Variants in ZNF98 observed in about 807,000 individuals in gnomAD.
ZNF98 encodes the protein zinc finger protein 98, also known as zinc finger protein 739.
In ZNF98, 8 loss-of-function variants were observed where a neutral mutation model predicts 12.8. The ratio of observed to expected loss-of-function variants is 0.63; its 90% CI spans 0.37 to 1.13. The LOEUF is 1.13. Ranked by LOEUF, ZNF98 falls within the 50% of genes most tolerant of loss-of-function variation. ZNF98 has a pLI of 0.01. For synonymous variants in ZNF98, 112 were observed against 223.5 expected (o/e 0.50, Z 4.45); for missense variants, 379 against 666.1 (o/e 0.57, Z 4.74).
At chr19:22,406,931 T>C (rs1687315100) in intron 1 of ZNF98, among the ~76,000 whole-genome samples, 1 of 152,058 alleles carries the variant, frequency 6.6e-6, no homozygotes, top group Non-Finnish European at 1.5e-5. Context: ...GAGAATAAGA[T>C]AGACAAATTG....
intron 2 of ZNF98, 44 bp downstream of exon 2, chr19:22,403,342 T>C: frequency 1.3e-6 from 2 of 1,514,308 alleles, no homozygotes; most frequent in East Asian, 4.9e-5. Context: ...AGAAATAAAA[T>C]TTATAGGGTA....
intron 3 of ZNF98, among the ~76,000 whole-genome samples, chr19:22,401,208 G>C (rs1310390307): frequency 5.3e-5 from 8 of 150,576 alleles, no homozygotes; most frequent in African/African-American, 2.0e-4. Flanking sequence ...ACCATAAACA[G>C]TACATTTAAA....
chr19:22,399,134 A>T (rs1969430065), intron 3 of ZNF98, among the ~76,000 whole-genome samples: 1 of 152,232 alleles, frequency 6.6e-6, no homozygotes, highest in Non-Finnish European at 1.5e-5. Flanking sequence ...AAACTAAAAA[A>T]TAATAATAAA....
chr19:22,414,244 A>G (rs113042587), intron 1 of ZNF98, among the ~76,000 whole-genome samples: 1 of 63,306 alleles, frequency 1.6e-5, no homozygotes, highest in African/African-American at 3.6e-5. Context: ...AAAAAAAAAA[A>G]AAAAAAAAAA....
At chr19:22,414,902 C>T (rs1232333972) in intron 1 of ZNF98, among the ~76,000 whole-genome samples, 4 of 151,864 alleles carry the variant, frequency 2.6e-5, no homozygotes, top group African/African-American at 9.7e-5. Flanking sequence ...AGCTAAAAAG[C>T]TTCTTCACAG....
chr19:22,416,188 G>A (rs980517205), intron 1 of ZNF98, among the ~76,000 whole-genome samples: 8 of 148,166 alleles, frequency 5.4e-5, no homozygotes, highest in African/African-American at 2.0e-4. Flanking sequence ...AATAAAGTAT[G>A]GGCCAGGCGT....
intron 1 of ZNF98, among the ~76,000 whole-genome samples, chr19:22,417,229 C>CAAAAAAA (rs57152900): frequency 1.1e-4 from 5 of 45,480 alleles, no homozygotes; most frequent in African/African-American, 3.2e-4. Context: ...AACTCCATCT[C>CAAAAAAA]AAAAAAAAAA....
At chr19:22,411,944 T>C (rs1227002034) in intron 1 of ZNF98, among the ~76,000 whole-genome samples, 1 of 145,468 alleles carries the variant, frequency 6.9e-6, no homozygotes, top group Non-Finnish European at 1.5e-5. Flanking sequence ...TAGAGACCGA[T>C]GAAGAGAATG....
At chr19:22,394,674 C>T (rs114328796) in intron 3 of ZNF98, among the ~76,000 whole-genome samples, 2,739 of 143,544 alleles carry the variant, frequency 0.019, 86 homozygotes, top group African/African-American at 0.067. Context: ...CATCATACAA[C>T]GGGGCCTGTT....
At chr19:22,413,289 T>G (rs1288459351) in intron 1 of ZNF98, among the ~76,000 whole-genome samples, 2 of 152,044 alleles carry the variant, frequency 1.3e-5, no homozygotes, top group Admixed American at 1.3e-4. Context: ...GAAGAGAGGA[T>G]GTCAAAACCT....
chr19:22,420,690 T>C (rs1420981078), intron 1 of ZNF98, among the ~76,000 whole-genome samples: 2 of 151,890 alleles, frequency 1.3e-5, no homozygotes, highest in African/African-American at 4.8e-5. Context: ...CTAGCAGACA[T>C]AGCCACAGCA....
chr19:22,409,989 A>C (rs1399445469), intron 1 of ZNF98, among the ~76,000 whole-genome samples: 1 of 152,078 alleles, frequency 6.6e-6, no homozygotes, highest in African/African-American at 2.4e-5. Flanking sequence ...GCAGCCAACA[A>C]ATATATGAAA....
intron 3 of ZNF98, among the ~76,000 whole-genome samples, chr19:22,397,212 TTGTGTG>T (rs3084811): frequency 4.5e-4 from 65 of 145,326 alleles, no homozygotes; most frequent in African/African-American, 1.6e-3. Context: ...GTGTGTGTTT[TTGTGTG>T]TGTGTGTGTG....
At chr19:22,413,854 A>G (rs923242944) in intron 1 of ZNF98, among the ~76,000 whole-genome samples, 1 of 141,246 alleles carries the variant, frequency 7.1e-6, no homozygotes, top group African/African-American at 2.6e-5. Flanking sequence ...GGGCAAAAAG[A>G]GCAAAACTCC....
intron 3 of ZNF98, among the ~76,000 whole-genome samples, chr19:22,401,478 TGAAA>T (rs1969456343): frequency 7.0e-6 from 1 of 141,916 alleles, no homozygotes; most frequent in Non-Finnish European, 1.5e-5. Flanking sequence ...GTCTATTGAT[TGAAA>T]GAATTTTTTT....
intron 3 of ZNF98, among the ~76,000 whole-genome samples, chr19:22,395,109 C>T (rs1969374955): frequency 6.8e-6 from 1 of 147,562 alleles, no homozygotes; most frequent in Non-Finnish European, 1.5e-5. Context: ...GAAGTGGAGG[C>T]TGCAGTGGGC....
At position 22,422,083 on chromosome 19, in the gene ZNF98, G is replaced by A. The variant is rs59044739; in HGVS notation, c.30+112C>T. 0.01 allele frequency: 13,606 copies of A among 1,355,062 alleles called. 853 individuals are homozygous for A. The African/African-American group carries it at 0.15, about 15-fold the overall frequency. The allele number at this position is 1,355,062 out of a possible 1,614,324, so 83.9% of individuals were successfully genotyped here. ...CCGAGCTAGGCAAGGAGAACTAGGGGCACGGATTGTGGAGCTGACAGCGGG... is the reference window on the plus strand; with the variant it reads ...CCGAGCTAGGCAAGGAGAACTAGGGACACGGATTGTGGAGCTGACAGCGGG... On this transcript the variant is annotated intron_variant, in intron 1 of 3. Coordinates refer to ENST00000357774, the MANE Select transcript of ZNF98 (RefSeq NM_001098626.2).
intron 1 of ZNF98, among the ~76,000 whole-genome samples, chr19:22,419,007 G>T (rs10402396): frequency 6.6e-6 from 1 of 151,910 alleles, no homozygotes; most frequent in Non-Finnish European, 1.5e-5. Flanking sequence ...AAATACAACC[G>T]CATTTTATGT....
intron 3 of ZNF98, among the ~76,000 whole-genome samples, chr19:22,399,708 ATAGAAAG>A (rs931914001): frequency 3.9e-5 from 6 of 152,246 alleles, no homozygotes; most frequent in Admixed American, 3.3e-4. Context: ...CAAAATTGAA[ATAGAAAG>A]TAGAAAGTAA....
Sources: allele counts gnomAD v4.1 joint callset (sites outside exome capture counted in the v4.1 genomes callset), GRCh38; gene constraint gnomAD v4.1.1; transcripts MANE v1.5; gene names NCBI Gene and HGNC (gene_info 2026-07-23, HGNC 2026-07-21).